The following RHPN2 variants were observed in gnomAD, a reference collection of about 807,000 sequenced individuals.
RHPN2 encodes rhophilin-2.
RHPN2 carries 40 observed loss-of-function variants against 79.0 expected under a neutral mutation model. The observed-to-expected ratio is 0.51, with a 90% CI of 0.39 to 0.66. RHPN2 has a LOEUF of 0.66. RHPN2 is among the 30% of genes least tolerant of loss of function. The pLI is 0.00. For missense variants in RHPN2, 686 were observed against 883.5 expected, an observed-to-expected ratio of 0.78 and a Z score of 2.83; for synonymous variants, 285 against 363.5, an observed-to-expected ratio of 0.78 and a Z score of 2.46.
In RHPN2 at chr19:33,032,016, C is replaced by CTTTTT. The variant is rs34807523; in HGVS notation, c.186-5389_186-5385dup. 2.8e-3 allele frequency among the ~76,000 whole-genome samples: 253 copies of CTTTTT among 91,366 alleles called. 13 individuals are homozygous for CTTTTT. Among genetic ancestry groups the CTTTTT allele is most frequent in the African/African-American group, 0.012 (245 of 21,002 alleles). The allele number at this position is 91,366 out of a possible 152,430, so 59.9% of individuals were successfully genotyped here. ...TACAGGCGTGAGCCACCGGGCCGGT[C>CTTTTT]TTTTTTTTTTTTTTTTTTTTTTGAG... is the stretch of plus-strand genomic sequence containing the variant. On this transcript the variant is annotated intron_variant, in intron 2 of 14. Coordinates refer to ENST00000254260, the MANE Select transcript of RHPN2 (RefSeq NM_033103.5).
At chr19:33,029,527 G>GAAA (rs374028038) in intron 2 of RHPN2, among the ~76,000 whole-genome samples, 50 of 80,704 alleles carry the variant, frequency 6.2e-4, no homozygotes, top group African/African-American at 4.8e-4. Flanking sequence ...CTCTATCTCA[G>GAAA]AAAAAAAAAA....
At chr19:33,001,426 C>T (rs2146009011) in intron 9 of RHPN2, among the ~76,000 whole-genome samples, 1 of 152,106 alleles carries the variant, frequency 6.6e-6, no homozygotes, top group African/African-American at 2.4e-5. Context: ...CCTGTATTCC[C>T]AGCTATTTGG....
In RHPN2 at chr19:33,062,598, C is replaced by T. The variant is rs1250862754; in HGVS notation, c.69+2186G>A. Reference sequence around the variant, plus strand: ...TAGCCTGGGCAACACGGTGAAACCCCGTTTCTACTAAAAATACAAAAAATT... The same window carrying T: ...TAGCCTGGGCAACACGGTGAAACCCTGTTTCTACTAAAAATACAAAAAATT... On this transcript the variant is annotated intron_variant, in intron 1 of 14. Coordinates refer to ENST00000254260, the MANE Select transcript of RHPN2 (RefSeq NM_033103.5). Among the ~76,000 whole-genome samples, 7 of 151,762 alleles carry T rather than the reference C, an allele frequency of 4.6e-5. No homozygotes were observed. The South Asian group carries it at 1.2e-3, about 27-fold the overall frequency.
At chr19:33,049,966 G>C (rs926927870) in intron 1 of RHPN2, among the ~76,000 whole-genome samples, 6 of 152,060 alleles carry the variant, frequency 3.9e-5, no homozygotes, top group Admixed American at 3.9e-4. Context: ...CACATCTTTT[G>C]GGGGAACAGT....
chr19:33,010,145 A>T (rs1412485902), intron 6 of RHPN2, among the ~76,000 whole-genome samples: 1 of 152,114 alleles, frequency 6.6e-6, no homozygotes, highest in Non-Finnish European at 1.5e-5. Context: ...CTAATTCATG[A>T]CTAAGGAGAA....
chr19:33,043,269 C>T (rs551522900), intron 2 of RHPN2, among the ~76,000 whole-genome samples: 80 of 151,706 alleles, frequency 5.3e-4, no homozygotes, highest in African/African-American at 1.8e-3. Flanking sequence ...GGTGGCATGA[C>T]GCCAGACGCA....
chr19:33,017,100 C>A (rs1323125709), intron 4 of RHPN2, among the ~76,000 whole-genome samples: 1 of 152,114 alleles, frequency 6.6e-6, no homozygotes, highest in South Asian at 2.1e-4. Context: ...CATTCTTGGC[C>A]GGATGCAGTG....
Position 33,012,690 on chromosome 19 carries a change from T to C in RHPN2, c.425A>G (p.Tyr142Cys), listed in dbSNP as rs373544803. The change falls in exon 5 of 15, where the codon TAT becomes TGT. Residue 142 changes from tyrosine (Y) to cysteine (C), a missense_variant. By Grantham distance (194) the Tyr-to-Cys change is radical. Coordinates refer to ENST00000254260, the MANE Select transcript of RHPN2 (RefSeq NM_033103.5). ...FILEHYSEDG[Y>C]LYEDEIADLM... The stretch of plus-strand genomic sequence containing the variant: ...ATCTGCAATTTCATCTTCATATAAA[T>C]AGCCATCTTCACTGTAATGTTCCAG... 12 of 1,606,038 alleles carry C rather than the reference T, an allele frequency of 7.5e-6. No individual in the cohort carries two copies. The highest frequency in any genetic ancestry group is 2.7e-5 in the African/African-American group (2 of 74,762).
chr19:33,025,396 C>T (rs1342516884), intron 3 of RHPN2, among the ~76,000 whole-genome samples: 2 of 151,096 alleles, frequency 1.3e-5, no homozygotes, highest in Non-Finnish European at 1.5e-5. Context: ...GCACAAGAAT[C>T]GCTTGAACCC....
rs200910842 is a variant in RHPN2, at chr19:33,030,604, AAAAG to A, written c.186-3976_186-3973del. On this transcript the variant is annotated intron_variant, in intron 2 of 14. Coordinates refer to ENST00000254260, the MANE Select transcript of RHPN2 (RefSeq NM_033103.5). Reference sequence around the variant, plus strand: ...CAAGACTCCATCACAAAAAAAAGAAAAAAGAAATACATTTTATTTTACAACTCAG... The same window carrying A: ...CAAGACTCCATCACAAAAAAAAGAAAAAATACATTTTATTTTACAACTCAG... Among the ~76,000 whole-genome samples, 1,309 of 152,244 alleles carry A rather than the reference AAAAG, an allele frequency of 8.6e-3. 16 individuals carry two copies. Among genetic ancestry groups the A allele is most frequent in the African/African-American group, 0.029 (1,223 of 41,552 alleles).
intron 2 of RHPN2, among the ~76,000 whole-genome samples, chr19:33,036,623 C>T (rs1972057970): frequency 6.6e-6 from 1 of 152,214 alleles, no homozygotes; most frequent in Non-Finnish European, 1.5e-5. Context: ...CCCTCAGCTT[C>T]TGGGGAAGTG....
chr19:33,026,857 A>C (rs1431074342), intron 2 of RHPN2: 2 of 508,864 alleles, frequency 3.9e-6, no homozygotes, highest in Non-Finnish European at 7.3e-6. Flanking sequence ...TGTGAGCTGC[A>C]GACATGAACT....
intron 4 of RHPN2, among the ~76,000 whole-genome samples, chr19:33,018,925 G>A (rs1002887724): frequency 5.3e-5 from 8 of 151,708 alleles, no homozygotes; most frequent in African/African-American, 1.9e-4. Flanking sequence ...CACCTACTCA[G>A]GAGGCTGAAG....
At chr19:33,013,194 AAC>A (rs1247907680) in intron 4 of RHPN2, among the ~76,000 whole-genome samples, 1 of 78,320 alleles carries the variant, frequency 1.3e-5, no homozygotes, top group Non-Finnish European at 2.3e-5. Context: ...TTTTTAAAAA[AAC>A]AAAAACAAAA....
At chr19:32,981,379 G>C (rs1971572283) in intron 14 of RHPN2, among the ~76,000 whole-genome samples, 1 of 128,324 alleles carries the variant, frequency 7.8e-6, no homozygotes, top group Non-Finnish European at 1.6e-5. Flanking sequence ...CTCCAGCCTG[G>C]GCGACAGAGT....
At chr19:33,025,988 T>TTC (rs1016530675) in intron 3 of RHPN2, among the ~76,000 whole-genome samples, 2 of 150,938 alleles carry the variant, frequency 1.3e-5, no homozygotes, top group African/African-American at 4.9e-5. Context: ...TTTGTTTTTT[T>TTC]TTTTTTTTGT....
intron 13 of RHPN2, chr19:32,991,518 G>A (rs1338919716): frequency 1.0e-5 from 4 of 383,348 alleles, no homozygotes; most frequent in Admixed American, 8.1e-5. Flanking sequence ...TGTAATCCCA[G>A]CTACTCAGGA....
intron 7 of RHPN2, among the ~76,000 whole-genome samples, chr19:33,004,325 C>T (rs71351705): frequency 0.086 from 13,120 of 152,092 alleles, 712 homozygotes; most frequent in Non-Finnish European, 0.13. Flanking sequence ...CAGGTGTGAG[C>T]CACCTTGCCT....
intron 1 of RHPN2, among the ~76,000 whole-genome samples, chr19:33,055,508 G>C (rs150864829): frequency 1.3e-5 from 2 of 151,986 alleles, no homozygotes; most frequent in Non-Finnish European, 1.5e-5. Context: ...CAGCCGGAGG[G>C]GTAGTATCAG....
Sources: gnomAD v4.1 joint callset for allele counts (sites outside exome capture counted in the v4.1 genomes callset) on GRCh38, gnomAD v4.1.1 for gene constraint, MANE v1.5 for transcripts, NCBI Gene and HGNC (gene_info 2026-07-23, HGNC 2026-07-21) for gene names.